The following EIF2B5 variants were observed in gnomAD, a reference collection of about 807,000 sequenced individuals.
EIF2B5 encodes the protein translation initiation factor eIF2B subunit epsilon.
Under a neutral mutation model 87.3 loss-of-function variants are expected in EIF2B5, and 38 were observed. The ratio of observed to expected loss-of-function variants is 0.44; its 90% confidence interval spans 0.34 to 0.57. EIF2B5 has a LOEUF of 0.57. Among genes scored for constraint, EIF2B5 ranks in the 20% least tolerant of loss-of-function variants. The pLI is 0.02. For synonymous variants in EIF2B5, 313 were observed against 339.6 expected (o/e 0.92, Z 0.86); for missense variants, 784 against 909.5 (o/e 0.86, Z 1.78).
At position 184,142,996 on chromosome 3, in the gene EIF2B5, A is replaced by C; in HGVS notation, c.1655-56A>C. The stretch of plus-strand genomic sequence containing the variant: ...TTTGGTATCGAGTCAAGACTAGATG[A>C]CTTAGAGCATTCTGAATGATGTTGG... On this transcript the variant is annotated intron_variant, in intron 11 of 15. Coordinates refer to ENST00000648915, the MANE Select transcript of EIF2B5 (RefSeq NM_003907.3). This position sits in a 1 kb window ranked among gnomAD's most constrained non-coding sequence, Gnocchi z 5.0. The C allele has an allele frequency of 6.3e-7, 1 of 1,585,204 alleles. No homozygotes were observed. The highest frequency in any genetic ancestry group is 1.3e-5 in the African/African-American group (1 of 74,616).
Position 184,140,066 on chromosome 3 carries a change from C to T in EIF2B5, c.766-14C>T. 6.2e-7 allele frequency: 1 copy of T among 1,604,880 alleles called. No individual in the cohort carries two copies. The highest frequency in any genetic ancestry group is 8.5e-7 in the Non-Finnish European group (1 of 1,172,396). On this transcript the variant is annotated splice_polypyrimidine_tract_variant and intron_variant, in intron 5 of 15. Transcript: ENST00000648915. ...TAGTACTTAATTCTAGCCCACTCCA[C>T]TTCCCTTCCACAGGTGGCACAACTC...
Position 184,140,472 on chromosome 3 carries a change from G to T in EIF2B5, c.898G>T (p.Val300Phe), listed in dbSNP as rs757368315. The T allele has an allele frequency of 6.2e-7, 1 of 1,614,142 alleles. No homozygotes were observed. The highest frequency in any genetic ancestry group is 8.5e-7 in the Non-Finnish European group (1 of 1,180,038). The change falls in exon 7 of 16, where the codon GTC (valine) becomes TTC (phenylalanine). Residue 300 changes from valine to phenylalanine, a missense_variant. This residue lies in a region of EIF2B5 where 660 missense variants were observed against 789.5 expected (regional missense o/e 0.84). Transcript: ENST00000648915. ...AACAGCTAAGGAATATGGTGCCCGT[G>T]TCTCCAACCTACACATGTACTCAGC... ...HVTAKEYGARVSNLHMYSAVC... is the reference protein window; with the variant it reads ...HVTAKEYGARFSNLHMYSAVC...
In EIF2B5 at chr3:184,144,109, C is replaced by T. The variant is rs374115857; in HGVS notation, c.1880C>T (p.Ala627Val). The change falls in exon 14 of 16, where the codon GCC (alanine) becomes GTC (valine). Residue 627 changes from alanine (A) to valine (V), a missense_variant. Ala to Val is a moderately conservative substitution (Grantham distance 64). Around this residue, in one of 3 missense-constraint regions of EIF2B5, gnomAD observed 660 missense variants for 789.5 expected, o/e 0.84. Transcript: ENST00000648915. ...TTCTTTCTTCCATAGCTGCTAAAGGCCTGGAGCCCTGTTTTTAGGAACTAC... is the reference window on the plus strand; with the variant it reads ...TTCTTTCTTCCATAGCTGCTAAAGGTCTGGAGCCCTGTTTTTAGGAACTAC... ...YCALLLPLLK[A>V]WSPVFRNYIK... is the part of the protein sequence containing the mutation. 2.2e-5 allele frequency: 36 copies of T among 1,614,096 alleles called. No homozygotes were observed. Among genetic ancestry groups the T allele is most frequent in the Non-Finnish European group, 3.0e-5 (35 of 1,180,048 alleles).
At position 184,144,220 on chromosome 3, in the gene EIF2B5, C is replaced by G. The variant is rs1179988384; in HGVS notation, c.1991C>G (p.Ala664Gly). The change falls in exon 14 of 16, where the codon GCC becomes GGC. Residue 664 changes from alanine (A) to glycine (G), a missense_variant. Ala to Gly is a moderately conservative substitution (Grantham distance 60, BLOSUM62 0). This residue lies in a region of EIF2B5 where 660 missense variants were observed against 789.5 expected (regional missense o/e 0.84). Coordinates refer to ENST00000648915, the MANE Select transcript of EIF2B5 (RefSeq NM_003907.3). ...CATGAAGCTCTTGGTATTTCCATGGCCAAGGTGAATATGACCTCAAGCCCC... is the reference window on the plus strand; with the variant it reads ...CATGAAGCTCTTGGTATTTCCATGGGCAAGGTGAATATGACCTCAAGCCCC... ...LEHEALGISM[A>G]KVLMAFYQLE... is the part of the protein sequence containing the mutation. The G allele has an allele frequency of 6.2e-7, 1 of 1,614,008 alleles. No homozygotes were observed. Among genetic ancestry groups the G allele is most frequent in the Admixed American group, 1.7e-5 (1 of 59,998 alleles).
chr3:184,143,548 T>C lies in EIF2B5; in HGVS notation c.1852T>C (p.Cys618Arg). 1 of 1,614,204 alleles carries C rather than the reference T, an allele frequency of 6.2e-7. No homozygotes were observed. Among genetic ancestry groups the C allele is most frequent in the Non-Finnish European group, 8.5e-7 (1 of 1,180,028 alleles). ...TTCCCCGCTTGACTCAAGCCGCTAC[T>C]GTGCCCTGCTGCTTCCTGTGAGCAA... Reference protein sequence around the residue: ...MDSPLDSSRYCALLLPLLKAW... With the variant: ...MDSPLDSSRYRALLLPLLKAW... Residue 618 changes from cysteine (C) to arginine (R), a missense_variant, in exon 13 of 16, where the codon TGT becomes CGT. Around this residue, in one of 3 missense-constraint regions of EIF2B5, gnomAD observed 660 missense variants for 789.5 expected, o/e 0.84. Coordinates refer to ENST00000648915, the MANE Select transcript of EIF2B5 (RefSeq NM_003907.3).
intron 1 of EIF2B5, 40 bp downstream of exon 1, chr3:184,135,620 G>A: frequency 2.6e-6 from 4 of 1,560,290 alleles, no homozygotes; most frequent in South Asian, 1.2e-5. Context: ...GGCAGGAAGG[G>A]TGGCAGGGCT....
chr3:184,139,780 G>C (rs1328607935), intron 5 of EIF2B5, among the ~76,000 whole-genome samples: 1 of 151,730 alleles, frequency 6.6e-6, no homozygotes, highest in Non-Finnish European at 1.5e-5. Flanking sequence ...CACTTTGGGA[G>C]GCCGAGGTGA....
chr3:184,143,815 A>T, intron 13 of EIF2B5: 1 of 673,388 alleles, frequency 1.5e-6, no homozygotes, highest in Non-Finnish European at 2.5e-6. Flanking sequence ...ATGGACCTGG[A>T]CATTCAGACT....
chr3:184,136,604 T>C lies in EIF2B5; in HGVS notation c.196-8T>C. The C allele has an allele frequency of 6.2e-7, 1 of 1,614,140 alleles. No homozygotes were observed. Among genetic ancestry groups the C allele is most frequent in the Non-Finnish European group, 8.5e-7 (1 of 1,180,034 alleles). ...ACCTCAAGTTTTTTTTCATCTTGTATCCTTCAGGTCCTCTTGCCCCTGGCC... is the reference window on the plus strand; with the variant it reads ...ACCTCAAGTTTTTTTTCATCTTGTACCCTTCAGGTCCTCTTGCCCCTGGCC... On this transcript the variant is annotated splice_polypyrimidine_tract_variant and splice_region_variant and intron_variant, in intron 1 of 15. Transcript: ENST00000648915.
At chr3:184,136,792 G>A in intron 2 of EIF2B5, 56 bp downstream of exon 2, 1 of 1,612,704 alleles carries the variant, frequency 6.2e-7, no homozygotes, top group South Asian at 1.1e-5. Flanking sequence ...AGTTTTTTCA[G>A]GATGAATGTA....
Position 184,140,743 on chromosome 3 carries a change from G to C in EIF2B5, c.1156+13G>C, listed in dbSNP as rs1713595739. ...GGCTGCCACATTGGTGAGCACAGGT[G>C]GGGAATCAAGCCAACTATCCTAGGA... On this transcript the variant is annotated intron_variant, in intron 7 of 15. Coordinates refer to ENST00000648915, the MANE Select transcript of EIF2B5 (RefSeq NM_003907.3). 1 of 1,613,664 alleles carries C rather than the reference G, an allele frequency of 6.2e-7. No individual in the cohort carries two copies. The highest frequency in any genetic ancestry group is 8.5e-7 in the Non-Finnish European group (1 of 1,180,020).
Position 184,142,514 on chromosome 3 carries a change from C to T in EIF2B5, c.1457C>T (p.Ala486Val), listed in dbSNP as rs1331686793. 3 of 1,614,026 alleles carry T rather than the reference C, an allele frequency of 1.9e-6. No individual in the cohort carries two copies. Among genetic ancestry groups the T allele is most frequent in the Non-Finnish European group, 2.5e-6 (3 of 1,180,036 alleles). Residue 486 changes from alanine (A) to valine (V), a missense_variant, in exon 10 of 16, where the codon GCA becomes GTA. Coordinates refer to ENST00000648915, the MANE Select transcript of EIF2B5 (RefSeq NM_003907.3). The surrounding 1 kb of genome is among the most constrained non-coding windows in gnomAD (Gnocchi z 5.0). ...TTGCCTTTTCCAGGTTACAATCCAGCAGAAGTAGGAGCTGCTGGCAAGGGC... is the reference window on the plus strand; with the variant it reads ...TTGCCTTTTCCAGGTTACAATCCAGTAGAAGTAGGAGCTGCTGGCAAGGGC... ...DKVKMKGYNPAEVGAAGKGYL... is the reference protein window; with the variant it reads ...DKVKMKGYNPVEVGAAGKGYL...
chr3:184,141,841 G>A lies in EIF2B5; in HGVS notation c.1157-84G>A, dbSNP rs1713648030. 3.8e-6 allele frequency: 6 copies of A among 1,574,344 alleles called. No homozygotes were observed. The African/African-American group carries it at 4.0e-5, about 11-fold the overall frequency. On this transcript the variant is annotated intron_variant, in intron 7 of 15. Transcript: ENST00000648915. Reference sequence around the variant, plus strand: ...AGAGCTAGGTGGGAGCTGTGCTGGTGTCAGTCAGCCCTGTCCTCTATGAAG... The same window carrying A: ...AGAGCTAGGTGGGAGCTGTGCTGGTATCAGTCAGCCCTGTCCTCTATGAAG...
At position 184,142,204 on chromosome 3, in the gene EIF2B5, A is replaced by C; in HGVS notation, c.1303-33A>C. On this transcript the variant is annotated intron_variant, in intron 8 of 15. Transcript: ENST00000648915. The surrounding 1 kb of genome is among the most constrained non-coding windows in gnomAD (Gnocchi z 5.0). ...TTATCAGGATGCACTTTTCCTCCAC[A>C]CCCTAATGGTTCTGTGTTTTTTTTC... 1 of 1,613,624 alleles carries C rather than the reference A, an allele frequency of 6.2e-7. No individual in the cohort carries two copies. The highest frequency in any genetic ancestry group is 8.5e-7 in the Non-Finnish European group (1 of 1,179,908).
chr3:184,140,803 C>T (rs1560108674), intron 7 of EIF2B5, 73 bp downstream of exon 7: 2 of 1,527,696 alleles, frequency 1.3e-6, no homozygotes, highest in Non-Finnish European at 1.8e-6. Flanking sequence ...TCCAGAAACA[C>T]AAGGGATGGC....
Position 184,142,955 on chromosome 3 carries a change from C to G in EIF2B5, c.1654+69C>G, listed in dbSNP as rs761958687. 31 of 1,568,232 alleles carry G rather than the reference C, an allele frequency of 2.0e-5. No individual in the cohort carries two copies. The highest frequency in any genetic ancestry group is 2.5e-5 in the Non-Finnish European group (29 of 1,146,214). On this transcript the variant is annotated intron_variant, in intron 11 of 15. Coordinates refer to ENST00000648915, the MANE Select transcript of EIF2B5 (RefSeq NM_003907.3). The surrounding 1 kb of genome is among the most constrained non-coding windows in gnomAD (Gnocchi z 5.0). ...CCTGGATCAACTAGCCAGAGGCTTA[C>G]GTTCCTCAGAAAGGGTTTGGTATCG...
intron 7 of EIF2B5, 59 bp downstream of exon 7, chr3:184,140,789 C>A: frequency 1.3e-6 from 2 of 1,586,404 alleles, no homozygotes; most frequent in Non-Finnish European, 1.7e-6. Flanking sequence ...GGGGGGGCCA[C>A]GTCTCCAGAA....
At chr3:184,141,852 C>T (rs1577033607) in intron 7 of EIF2B5, 73 bp from the exon 8 acceptor site, 1 of 1,601,456 alleles carries the variant, frequency 6.2e-7, no homozygotes, top group South Asian at 1.1e-5. Flanking sequence ...TCAGTCAGCC[C>T]TGTCCTCTAT....
chr3:184,143,988 C>G, intron 13 of EIF2B5, 111 bp from the exon 14 acceptor site: 1 of 1,508,066 alleles, frequency 6.6e-7, no homozygotes, highest in Non-Finnish European at 9.2e-7. Flanking sequence ...TTCCACAGAA[C>G]CTGTATCATC....
Sources: gnomAD v4.1 joint callset for allele counts (sites outside exome capture counted in the v4.1 genomes callset) on GRCh38, gnomAD v4.1.1 for gene constraint, gnomAD v4.1.1 regional missense constraint, Gnocchi (gnomAD v3.1) non-coding constraint, MANE v1.5 for transcripts, NCBI Gene and HGNC (gene_info 2026-07-23, HGNC 2026-07-21) for gene names.